Variants in SPAG9 observed in about 807,000 individuals in gnomAD.
SPAG9 encodes the protein C-Jun-amino-terminal kinase-interacting protein 4.
Under a neutral mutation model 166.5 loss-of-function variants are expected in SPAG9, and 35 were observed. That is an observed-to-expected ratio of 0.21 (90% CI 0.16 to 0.28). The LOEUF (loss-of-function observed/expected upper bound fraction) is 0.28, where lower values mean the gene tolerates loss of function less well. Ranked by LOEUF, SPAG9 falls within the 10% of genes least tolerant of loss-of-function variation. The pLI, the probability that SPAG9 is intolerant of heterozygous loss-of-function variation, is 1.00. For missense variants in SPAG9, 1,235 were observed against 1,603.3 expected (o/e 0.77, Z 3.92); for synonymous variants, 534 against 565.5 (o/e 0.94, Z 0.79).
chr17:51,051,955 G>T (rs781113296), intron 3 of SPAG9, among the ~76,000 whole-genome samples: 2 of 152,030 alleles, frequency 1.3e-5, no homozygotes, highest in African/African-American at 2.4e-5. Context: ...TACACATGTG[G>T]GCCCGAGTGC....
intron 1 of SPAG9, among the ~76,000 whole-genome samples, chr17:51,117,449 T>C (rs2049321851): frequency 1.3e-5 from 2 of 152,078 alleles, no homozygotes; most frequent in South Asian, 2.1e-4. Flanking sequence ...CGGTGGCTCA[T>C]GCCTGTAATC....
chr17:51,089,639 T>C (rs1479370632), intron 1 of SPAG9, among the ~76,000 whole-genome samples: 1 of 82,646 alleles, frequency 1.2e-5, no homozygotes, highest in African/African-American at 6.2e-5. Context: ...TATATATATA[T>C]ATATATATAT....
At chr17:51,079,083 C>T (rs1479822094) in intron 2 of SPAG9, among the ~76,000 whole-genome samples, 1 of 152,128 alleles carries the variant, frequency 6.6e-6, no homozygotes. Context: ...CAGTTCTGCA[C>T]ACATGGGTAC....
chr17:51,095,976 TATATATATATATAGTG>T (rs1297813281), intron 1 of SPAG9, among the ~76,000 whole-genome samples: 642 of 58,232 alleles, frequency 0.011, 35 homozygotes, highest in African/African-American at 0.051. Context: ...TATATAGTGA[TATATATATATATAGTG>T]ATATATATAT....
At chr17:51,103,819 A>T (rs1187248290) in intron 1 of SPAG9, among the ~76,000 whole-genome samples, 1 of 152,134 alleles carries the variant, frequency 6.6e-6, no homozygotes, top group Non-Finnish European at 1.5e-5. Flanking sequence ...GAAGCAGAAA[A>T]ATCAGTTATG....
chr17:51,118,763 G>C (rs1156316959), intron 1 of SPAG9, among the ~76,000 whole-genome samples: 1 of 152,134 alleles, frequency 6.6e-6, no homozygotes, highest in Non-Finnish European at 1.5e-5. Flanking sequence ...ATTCTGGCGG[G>C]GTGCGGTGGC....
chr17:51,069,956 T>C (rs550185899), intron 2 of SPAG9, among the ~76,000 whole-genome samples: 140 of 152,132 alleles, frequency 9.2e-4, no homozygotes, highest in Non-Finnish European at 1.9e-3. Context: ...AGAGTCTAAA[T>C]ATAACAGCTT....
chr17:51,019,045 C>G (rs913612762), intron 8 of SPAG9, among the ~76,000 whole-genome samples: 8 of 152,148 alleles, frequency 5.3e-5, no homozygotes, highest in African/African-American at 1.7e-4. Flanking sequence ...CCCTTATAAA[C>G]AGGATTGGGG....
chr17:50,974,686 G>C, intron 28 of SPAG9, 85 bp downstream of exon 28: 1 of 1,213,444 alleles, frequency 8.2e-7, no homozygotes, highest in Non-Finnish European at 1.1e-6. Flanking sequence ...CGAGTACTTA[G>C]CCTTAGACTA....
Position 50,963,872 on chromosome 17 carries a change from G to A in SPAG9, c.*2400C>T, listed in dbSNP as rs1356040459. The stretch of plus-strand genomic sequence containing the variant: ...AATAAAAACATAGCAAACAAGCTAT[G>A]GAAAAGTAGCCTACATTTTGGTGCC... On this transcript the variant is annotated 3_prime_UTR_variant, in exon 30 of 30. Coordinates refer to ENST00000262013, the MANE Select transcript of SPAG9 (RefSeq NM_001130528.3). 1.3e-5 allele frequency: 2 copies of A among 152,214 alleles called. No individual in the cohort carries two copies. Among genetic ancestry groups the A allele is most frequent in the Non-Finnish European group, 2.9e-5 (2 of 68,026 alleles). 9.4% of individuals were successfully genotyped at this position (152,214 alleles called of 1,614,324 possible). A position where few individuals can be genotyped will look rare whatever the true frequency, so the allele number is the denominator to read the frequency against.
intron 1 of SPAG9, among the ~76,000 whole-genome samples, chr17:51,103,399 T>C (rs1213918298): frequency 6.6e-6 from 1 of 152,168 alleles, no homozygotes; most frequent in Non-Finnish European, 1.5e-5. Context: ...TGTTAAGGCT[T>C]TCCAGAATTG....
At chr17:50,987,385 G>T in intron 21 of SPAG9, 148 bp from the exon 22 acceptor site, 1 of 700,948 alleles carries the variant, frequency 1.4e-6, no homozygotes, top group East Asian at 3.2e-5. Flanking sequence ...TGTCACCCAG[G>T]CTGGAGTACA....
intron 1 of SPAG9, among the ~76,000 whole-genome samples, chr17:51,095,958 GATATATATATATAGTGAT>G (rs1326255558): frequency 0.026 from 2,548 of 98,888 alleles, 69 homozygotes; most frequent in Non-Finnish European, 0.032. Context: ...TATATATAGT[GATATATATATATAGTGAT>G]ATATATATAT....
At chr17:51,061,612 C>CAA (rs34010166) in intron 2 of SPAG9, among the ~76,000 whole-genome samples, 3,656 of 31,026 alleles carry the variant, frequency 0.12, 326 homozygotes, top group Non-Finnish European at 0.14. Context: ...GCTCTGTCTC[C>CAA]AAAAAAAAAA....
chr17:51,062,312 T>C (rs1360830165), intron 2 of SPAG9, among the ~76,000 whole-genome samples: 1 of 152,208 alleles, frequency 6.6e-6, no homozygotes, highest in African/African-American at 2.4e-5. Flanking sequence ...TACATTAGGG[T>C]ACACTCGTGG....
intron 8 of SPAG9, among the ~76,000 whole-genome samples, chr17:51,015,541 A>C (rs1021606742): frequency 3.3e-5 from 5 of 152,176 alleles, no homozygotes; most frequent in Non-Finnish European, 1.5e-5. Context: ...CTATTATAAA[A>C]GAAAGGGCCC....
intron 1 of SPAG9, among the ~76,000 whole-genome samples, chr17:51,112,370 C>CCA (rs769979280): frequency 2.6e-5 from 1 of 38,564 alleles, no homozygotes; most frequent in African/African-American, 8.9e-5. Flanking sequence ...CCCATCTCTA[C>CCA]AAAAAAAAAA....
chr17:51,113,026 G>GA (rs143151944), intron 1 of SPAG9, among the ~76,000 whole-genome samples: 10,429 of 144,362 alleles, frequency 0.072, 389 homozygotes, highest in Non-Finnish European at 0.092. Flanking sequence ...AAACAGTTCA[G>GA]AAAAAAAAAA....
At chr17:51,108,381 TG>T (rs1226195526) in intron 1 of SPAG9, among the ~76,000 whole-genome samples, 2 of 115,222 alleles carry the variant, frequency 1.7e-5, no homozygotes, top group African/African-American at 6.1e-5. Context: ...AGCGAAAGAC[TG>T]TCTCAAAAAA....
Sources: gnomAD v4.1 joint callset for allele counts (sites outside exome capture counted in the v4.1 genomes callset) on GRCh38, gnomAD v4.1.1 for gene constraint, MANE v1.5 for transcripts, NCBI Gene and HGNC (gene_info 2026-07-23, HGNC 2026-07-21) for gene names.